IGSF3: variants seen among roughly 807,000 people sequenced by gnomAD.
IGSF3 encodes the protein glu-Trp-Ile EWI motif-containing protein 3.
A neutral mutation model predicts 114.4 loss-of-function variants in IGSF3; 23 were observed. The observed-to-expected ratio is 0.20, with a 90% CI of 0.14 to 0.28. The LOEUF is 0.28. IGSF3 is among the 10% of genes least tolerant of loss of function. IGSF3 has a pLI of 1.00. For synonymous variants in IGSF3, 571 were observed against 645.2 expected, an observed-to-expected ratio of 0.88 and a Z score of 1.74; for missense variants, 1,172 against 1,591.5, an observed-to-expected ratio of 0.74 and a Z score of 4.48.
At position 116,583,374 on chromosome 1, in the gene IGSF3, G is replaced by A. The variant is rs908864173; in HGVS notation, c.2848+1271C>T. Among the ~76,000 whole-genome samples, 1 of 152,182 alleles carries A rather than the reference G, an allele frequency of 6.6e-6. No individual in the cohort carries two copies. Among genetic ancestry groups the A allele is most frequent in the Non-Finnish European group, 1.5e-5 (1 of 68,030 alleles). On this transcript the variant is annotated intron_variant, in intron 9 of 10. Transcript: ENST00000369486. This position sits in a 1 kb window ranked among gnomAD's most constrained non-coding sequence, Gnocchi z 4.5. Reference sequence around the variant, plus strand: ...AAATATAAATAAGTAAAAGCTCACGGAAAAATAGGAGTTAACTCAAAGTGG... The same window carrying A: ...AAATATAAATAAGTAAAAGCTCACGAAAAAATAGGAGTTAACTCAAAGTGG...
intron 9 of IGSF3, among the ~76,000 whole-genome samples, chr1:116,581,323 T>TC (rs1659594275): frequency 6.9e-6 from 1 of 144,106 alleles, no homozygotes; most frequent in South Asian, 2.2e-4. Flanking sequence ...TTGCTGTCTT[T>TC]TTTTTTTTTT....
In IGSF3 at chr1:116,577,876, G is replaced by A. The variant is rs1392558082; in HGVS notation, c.3335-314C>T. Among the ~76,000 whole-genome samples, 1 of 152,158 alleles carries A rather than the reference G, an allele frequency of 6.6e-6. No individual in the cohort carries two copies. On this transcript the variant is annotated intron_variant, in intron 10 of 10. Transcript: ENST00000369486. The surrounding 1 kb of genome is among the most constrained non-coding windows in gnomAD (Gnocchi z 5.7). ...TTGTGAACTCAACTGCATCTAGAAT[G>A]GTGAAGAAGCTGCTCTGGTTCAGTC...
At chr1:116,591,795 C>T (rs1660123058) in intron 7 of IGSF3, among the ~76,000 whole-genome samples, 1 of 152,182 alleles carries the variant, frequency 6.6e-6, no homozygotes, top group African/African-American at 2.4e-5. Flanking sequence ...GGGCGGTGTA[C>T]AGCTTGCGTG....
chr1:116,621,290 T>C (rs1206308134), intron 2 of IGSF3, among the ~76,000 whole-genome samples: 1 of 152,272 alleles, frequency 6.6e-6, no homozygotes, highest in East Asian at 1.9e-4. Flanking sequence ...ATTAAACCTC[T>C]TTTCTTTATA....
rs558411662 is a variant in IGSF3, at chr1:116,608,633, C to T, written c.833-302G>A. Among the ~76,000 whole-genome samples, 3 of 152,220 alleles carry T rather than the reference C, an allele frequency of 2.0e-5. No homozygotes were observed. The South Asian group carries it at 6.2e-4, about 32-fold the overall frequency. The stretch of plus-strand genomic sequence containing the variant: ...AAGCTTTAGATGTCTTAGATGAGAC[C>T]CCCAGGTCAGTGAGAAGCTACTAAT... On this transcript the variant is annotated intron_variant, in intron 4 of 10. Transcript: ENST00000369486.
In IGSF3 at chr1:116,614,029, C is replaced by T. The variant is rs577348152; in HGVS notation, c.568G>A (p.Glu190Lys). ...AGGGAGATGACCTCCACGGGCTTCTCGCCAACTTTCTGCCGGAGCCAGGCC... is the reference window on the plus strand; with the variant it reads ...AGGGAGATGACCTCCACGGGCTTCTTGCCAACTTTCTGCCGGAGCCAGGCC... ...SVAWLRQKVG[E>K]KPVEVISLSR... Residue 190 changes from glutamate to lysine, a missense_variant, in exon 4 of 11, where the codon GAG (glutamate) becomes AAG (lysine). Glu to Lys is a moderately conservative substitution (Grantham distance 56). Transcript: ENST00000369486. This position sits in a 1 kb window ranked among gnomAD's most constrained non-coding sequence, Gnocchi z 4.5. The T allele has an allele frequency of 2.2e-5, 35 of 1,614,120 alleles. No individual in the cohort carries two copies. Among genetic ancestry groups the T allele is most frequent in the Middle Eastern group, 1.7e-4 (1 of 6,026 alleles).
intron 7 of IGSF3, among the ~76,000 whole-genome samples, chr1:116,590,087 G>T (rs1239407660): frequency 6.6e-6 from 1 of 151,952 alleles, no homozygotes; most frequent in Non-Finnish European, 1.5e-5. Flanking sequence ...GCTTCCTCTG[G>T]GGGAGTGAGA....
In IGSF3 at chr1:116,610,219, A is replaced by T. The variant is rs1660962651; in HGVS notation, c.833-1888T>A. Among the ~76,000 whole-genome samples the T allele has an allele frequency of 6.6e-6, 1 of 152,142 alleles. No individual in the cohort carries two copies. Among genetic ancestry groups the T allele is most frequent in the Admixed American group, 6.5e-5 (1 of 15,282 alleles). On this transcript the variant is annotated intron_variant, in intron 4 of 10. Transcript: ENST00000369486. This position sits in a 1 kb window ranked among gnomAD's most constrained non-coding sequence, Gnocchi z 4.3. ...GTTAGTCATTTATAACCCAACATCAATGACAGAAAAGCACTCCTTCCACAT... is the reference window on the plus strand; with the variant it reads ...GTTAGTCATTTATAACCCAACATCATTGACAGAAAAGCACTCCTTCCACAT...
At chr1:116,658,362 C>T (rs1196301779) in intron 2 of IGSF3, among the ~76,000 whole-genome samples, 4 of 152,082 alleles carry the variant, frequency 2.6e-5, no homozygotes, top group Non-Finnish European at 5.9e-5. Flanking sequence ...GATGGATATA[C>T]AGAAGCTCTT....
chr1:116,607,862 C>T lies in IGSF3; in HGVS notation c.1222+80G>A, dbSNP rs1375639606. On this transcript the variant is annotated intron_variant, in intron 5 of 10. Coordinates refer to ENST00000369486, the MANE Select transcript of IGSF3 (RefSeq NM_001007237.3). The surrounding 1 kb of genome is among the most constrained non-coding windows in gnomAD (Gnocchi z 6.1). The stretch of plus-strand genomic sequence containing the variant: ...TTCCATCTGCCTCCCCTCACCTTCA[C>T]CACGCTATTCTCTCTCCCCCTACCT... 1 of 1,410,458 alleles carries T rather than the reference C, an allele frequency of 7.1e-7. No homozygotes were observed. The highest frequency in any genetic ancestry group is 9.8e-7 in the Non-Finnish European group (1 of 1,015,832). 87.4% of individuals were successfully genotyped at this position (1,410,458 alleles called of 1,614,324 possible). A position where few individuals can be genotyped will look rare whatever the true frequency, so the allele number is the denominator to read the frequency against.
At chr1:116,601,159 C>A (rs1156689548) in intron 6 of IGSF3, among the ~76,000 whole-genome samples, 1 of 152,144 alleles carries the variant, frequency 6.6e-6, no homozygotes. Context: ...TCCACTGAAT[C>A]CCCAAAACAA....
rs1447618026 is a variant in IGSF3 at position 116,616,034 on chromosome 1, C to A, written c.421+46G>T. 4 of 1,521,278 alleles carry A rather than the reference C, an allele frequency of 2.6e-6. No individual in the cohort carries two copies. The highest frequency in any genetic ancestry group is 3.9e-5 in the Admixed American group (2 of 50,776). The allele number at this position is 1,521,278 out of a possible 1,614,324, so 94.2% of individuals were successfully genotyped here. ...AAAGCAAAATTACGCTACTAAAGAA[C>A]TGAGTCAGGCCAGACGCTGGCAACG... is the stretch of plus-strand genomic sequence containing the variant. On this transcript the variant is annotated intron_variant, in intron 3 of 10. Transcript: ENST00000369486. The surrounding 1 kb of genome is among the most constrained non-coding windows in gnomAD (Gnocchi z 6.6).
At position 116,575,871 on chromosome 1, in the gene IGSF3, A is replaced by G. The variant is rs1303952770; in HGVS notation, c.*1441T>C. ...GGCGTTAAAATAAAAAGCCACCATAACAATGAACAACCAAACAACCTAGAA... is the reference window on the plus strand; with the variant it reads ...GGCGTTAAAATAAAAAGCCACCATAGCAATGAACAACCAAACAACCTAGAA... On this transcript the variant is annotated 3_prime_UTR_variant, in exon 11 of 11. Coordinates refer to ENST00000369486, the MANE Select transcript of IGSF3 (RefSeq NM_001007237.3). This position sits in a 1 kb window ranked among gnomAD's most constrained non-coding sequence, Gnocchi z 5.6. 6.6e-6 allele frequency: 1 copy of G among 152,260 alleles called. No individual in the cohort carries two copies. Among genetic ancestry groups the G allele is most frequent in the African/African-American group, 2.4e-5 (1 of 41,440 alleles). 9.4% of individuals were successfully genotyped at this position (152,260 alleles called of 1,614,324 possible). A position where few individuals can be genotyped will look rare whatever the true frequency, so the allele number is the denominator to read the frequency against.
In IGSF3 at chr1:116,600,154, A is replaced by T; in HGVS notation, c.1816T>A (p.Trp606Arg). The T allele has an allele frequency of 6.2e-7, 1 of 1,613,668 alleles. No homozygotes were observed. The highest frequency in any genetic ancestry group is 8.5e-7 in the Non-Finnish European group (1 of 1,179,848). The change falls in exon 7 of 11, where the codon TGG (tryptophan) becomes AGG (arginine). Residue 606 changes from tryptophan to arginine, a missense_variant. Transcript: ENST00000369486. The surrounding 1 kb of genome is among the most constrained non-coding windows in gnomAD (Gnocchi z 5.5). The stretch of plus-strand genomic sequence containing the variant: ...CGGAAGCTGGAGGACCTGTCCCCCC[A>T]CTGGACCCCTCCGTCCCGGGTGAAG... ...VTFTRDGGVQ[W>R]GDRSSSFRTR...
In IGSF3 at chr1:116,651,282, T is replaced by C. The variant is rs1280831330; in HGVS notation, c.43+15002A>G. On this transcript the variant is annotated intron_variant, in intron 2 of 10. Coordinates refer to ENST00000369486, the MANE Select transcript of IGSF3 (RefSeq NM_001007237.3). This position sits in a 1 kb window ranked among gnomAD's most constrained non-coding sequence, Gnocchi z 4.4. Reference sequence around the variant, plus strand: ...TTTCTTCTTCAGGCCAAATGGCTCCTATCCCTGCCTTCCATCTTAGCTTTC... The same window carrying C: ...TTTCTTCTTCAGGCCAAATGGCTCCCATCCCTGCCTTCCATCTTAGCTTTC... 3.9e-5 allele frequency among the ~76,000 whole-genome samples: 6 copies of C among 152,238 alleles called. No individual in the cohort carries two copies. Among genetic ancestry groups the C allele is most frequent in the Admixed American group, 1.3e-4 (2 of 15,284 alleles).
At position 116,585,109 on chromosome 1, in the gene IGSF3, AC is replaced by A; in HGVS notation, c.2441-58del. ...AAAGGACAACAAGCAATTCGTACGC[AC>A]CCTTTCCCAGGGTAGGTGAATGGAT... On this transcript the variant is annotated intron_variant, in intron 8 of 10. Transcript: ENST00000369486. The surrounding 1 kb of genome is among the most constrained non-coding windows in gnomAD (Gnocchi z 4.9). 7.3e-7 allele frequency: 1 copy of A among 1,377,908 alleles called. No individual in the cohort carries two copies. Among genetic ancestry groups the A allele is most frequent in the Non-Finnish European group, 9.8e-7 (1 of 1,022,826 alleles). The allele number at this position is 1,377,908 out of a possible 1,614,324, so 85.4% of individuals were successfully genotyped here.
In IGSF3 at chr1:116,579,470, G is replaced by C. The variant is rs1044903137; in HGVS notation, c.3256C>G (p.Leu1086Val). 1.9e-6 allele frequency: 3 copies of C among 1,613,376 alleles called. No individual in the cohort carries two copies. The African/African-American group carries it at 4.0e-5, about 22-fold the overall frequency. Residue 1086 changes from leucine to valine, a missense_variant, in exon 10 of 11, where the codon CTG becomes GTG. By Grantham distance (32) the Leu-to-Val change is conservative. This residue lies in a region of IGSF3 where 423 missense variants were observed against 509.8 expected (regional missense o/e 0.83). Transcript: ENST00000369486. The surrounding 1 kb of genome is among the most constrained non-coding windows in gnomAD (Gnocchi z 6.4). ...GNYSCHVEEW[L>V]PSPQKEWYRL... ...TACCATTCCTTCTGAGGGCTGGGCAGCCACTCCTCCACATGGCAGGAGTAA... is the reference window on the plus strand; with the variant it reads ...TACCATTCCTTCTGAGGGCTGGGCACCCACTCCTCCACATGGCAGGAGTAA...
Position 116,646,349 on chromosome 1 carries a change from G to A in IGSF3, c.43+19935C>T, listed in dbSNP as rs909948907. ...GGAGGAAGATGGAGAATTGGGGGGGGTCCACACAAAGAGGATGGATTCAGA... is the reference window on the plus strand; with the variant it reads ...GGAGGAAGATGGAGAATTGGGGGGGATCCACACAAAGAGGATGGATTCAGA... On this transcript the variant is annotated intron_variant, in intron 2 of 10. Coordinates refer to ENST00000369486, the MANE Select transcript of IGSF3 (RefSeq NM_001007237.3). Among the ~76,000 whole-genome samples the A allele has an allele frequency of 2.0e-4, 30 of 152,224 alleles. 1 individual carries two copies. The highest frequency in any genetic ancestry group is 1.6e-3 in the Admixed American group (24 of 15,294).
Position 116,614,104 on chromosome 1 carries a change from G to A in IGSF3, c.493C>T (p.Leu165Phe). Residue 165 changes from leucine (L) to phenylalanine (F), a missense_variant, in exon 4 of 11, where the codon CTC (leucine) becomes TTC (phenylalanine). Physicochemically the swap from Leu to Phe is conservative, Grantham distance 22 (BLOSUM62 0). Around this residue, in one of 3 missense-constraint regions of IGSF3, gnomAD observed 736 missense variants for 1,042.0 expected, o/e 0.71. Transcript: ENST00000369486. The surrounding 1 kb of genome is among the most constrained non-coding windows in gnomAD (Gnocchi z 4.5). ...LHRVEQDPLELTCEVASETIQ... is the reference protein window; with the variant it reads ...LHRVEQDPLEFTCEVASETIQ... ...GTCTCTGAGGCCACCTCACAAGTGA[G>A]CTCCAGCGGGTCCTGCTCCACTCTG... 6.2e-7 allele frequency: 1 copy of A among 1,614,024 alleles called. No individual in the cohort carries two copies. Among genetic ancestry groups the A allele is most frequent in the Non-Finnish European group, 8.5e-7 (1 of 1,179,970 alleles).
Sources: gnomAD v4.1 joint callset for allele counts (sites outside exome capture counted in the v4.1 genomes callset) on GRCh38, gnomAD v4.1.1 for gene constraint, gnomAD v4.1.1 regional missense constraint, Gnocchi (gnomAD v3.1) non-coding constraint, MANE v1.5 for transcripts, NCBI Gene and HGNC (gene_info 2026-07-23, HGNC 2026-07-21) for gene names.